The following CASK variants were observed in gnomAD, a reference collection of about 807,000 sequenced individuals.
CASK encodes the protein peripheral plasma membrane protein CASK.
In CASK, 4 loss-of-function variants were observed where a neutral mutation model predicts 82.9. The observed-to-expected ratio is 0.05, with a 90% CI of 0.02 to 0.11. The LOEUF is 0.11. CASK is among the 10% of genes least tolerant of loss of function. The pLI, the probability that CASK is intolerant of heterozygous loss-of-function variation, is 1.00. For synonymous variants in CASK, 259 were observed against 253.5 expected, an observed-to-expected ratio of 1.02 and a Z score of -0.20; for missense variants, 358 against 720.9, an observed-to-expected ratio of 0.50 and a Z score of 5.76.
intron 11 of CASK, 57 bp downstream of exon 11, chrX:41,622,560 A>T: frequency 9.5e-7 from 1 of 1,057,495 alleles, no homozygotes; most frequent in Non-Finnish European, 1.3e-6. Context: ...GAACCATGCA[A>T]AGCCAAACAC....
At chrX:41,917,219 T>C (rs938798966) in intron 1 of CASK, among the ~76,000 whole-genome samples, 1 of 112,271 alleles carries the variant, frequency 8.9e-6, no homozygotes, top group African/African-American at 3.2e-5. Context: ...CGTTGGAATC[T>C]GTGTGATCTT....
intron 2 of CASK, among the ~76,000 whole-genome samples, chrX:41,852,433 A>G (rs1249393181): frequency 8.9e-6 from 1 of 111,898 alleles, no homozygotes; most frequent in Non-Finnish European, 1.9e-5. Flanking sequence ...AAAAGTTAGT[A>G]TCATGATCAA....
At chrX:41,766,129 A>G (rs1213676457) in intron 3 of CASK, among the ~76,000 whole-genome samples, 4 of 112,093 alleles carry the variant, frequency 3.6e-5, no homozygotes, top group Non-Finnish European at 7.5e-5. Flanking sequence ...ACTTAAATCT[A>G]TCTATATCAA....
At chrX:41,625,781 T>G (rs1274883193) in intron 10 of CASK, among the ~76,000 whole-genome samples, 1 of 107,908 alleles carries the variant, frequency 9.3e-6, no homozygotes, top group East Asian at 2.9e-4. Context: ...TGTTACAGAT[T>G]TTTTTTTTCT....
chrX:41,716,242 T>C (rs889620408), intron 5 of CASK, among the ~76,000 whole-genome samples: 12 of 112,163 alleles, frequency 1.1e-4, no homozygotes, highest in African/African-American at 3.9e-4. Flanking sequence ...ATATAGCCTA[T>C]AATGTTCAGC....
chrX:41,739,521 G>A (rs2068559448), intron 4 of CASK, 65 bp from the exon 5 acceptor site: 2 of 709,472 alleles, frequency 2.8e-6, no homozygotes, highest in East Asian at 3.3e-5. Flanking sequence ...AATATACAGT[G>A]CTCCTAGTTT....
intron 1 of CASK, among the ~76,000 whole-genome samples, chrX:41,900,864 G>C (rs1333716131): frequency 9.7e-6 from 1 of 103,494 alleles, no homozygotes; most frequent in Non-Finnish European, 1.9e-5. Context: ...TCCTGCCTCA[G>C]CCTCCCGAGT....
chrX:41,791,374 T>C (rs944430119), intron 2 of CASK, among the ~76,000 whole-genome samples: 4 of 103,326 alleles, frequency 3.9e-5, no homozygotes, highest in African/African-American at 1.4e-4. Context: ...AGCTCTGACA[T>C]ACTAGTGAGA....
chrX:41,860,474 G>C lies in CASK; in HGVS notation c.60-7247C>G, dbSNP rs138615111. On this transcript the variant is annotated intron_variant, in intron 1 of 26. Coordinates refer to ENST00000378163, the MANE Select transcript of CASK (RefSeq NM_001367721.1). Reference sequence around the variant, plus strand: ...CTGTTCCCTATTTCAACACTATTTAGTGTAGTCATTGCCACTAAAGAAGAG... The same window carrying C: ...CTGTTCCCTATTTCAACACTATTTACTGTAGTCATTGCCACTAAAGAAGAG... 2.5e-3 allele frequency among the ~76,000 whole-genome samples: 276 copies of C among 112,170 alleles called. 3 individuals are homozygous for C. Among genetic ancestry groups the C allele is most frequent in the African/African-American group, 8.1e-3 (251 of 30,958 alleles).
intron 21 of CASK, among the ~76,000 whole-genome samples, chrX:41,544,032 C>T (rs2064983286): frequency 8.9e-6 from 1 of 111,870 alleles, no homozygotes; most frequent in Non-Finnish European, 1.9e-5. Flanking sequence ...AGTGTCTGTT[C>T]AAGTCTTTTG....
At chrX:41,651,899 C>A (rs1252145998) in intron 8 of CASK, among the ~76,000 whole-genome samples, 2 of 110,991 alleles carry the variant, frequency 1.8e-5, no homozygotes, top group Non-Finnish European at 3.8e-5. Context: ...TATTTTATGA[C>A]CTAGACAGAC....
chrX:41,852,013 CAAT>C (rs750219955), intron 2 of CASK, among the ~76,000 whole-genome samples: 3 of 110,866 alleles, frequency 2.7e-5, no homozygotes, highest in Admixed American at 9.6e-5. Flanking sequence ...TATTCAAAAG[CAAT>C]AATAGCCAAT....
intron 5 of CASK, among the ~76,000 whole-genome samples, chrX:41,680,270 T>A (rs191048314): frequency 5.8e-4 from 62 of 107,314 alleles, no homozygotes; most frequent in African/African-American, 2.1e-3. Context: ...GATCAAGAGG[T>A]CAAGAGATTG....
intron 8 of CASK, among the ~76,000 whole-genome samples, chrX:41,649,339 G>A (rs1372717428): frequency 3.6e-5 from 4 of 111,477 alleles, no homozygotes; most frequent in Non-Finnish European, 5.6e-5. Flanking sequence ...TCTTTCAATT[G>A]TGATGTTAGG....
At chrX:41,888,685 A>G (rs1261639948) in intron 1 of CASK, among the ~76,000 whole-genome samples, 1 of 95,089 alleles carries the variant, frequency 1.1e-5, no homozygotes, top group African/African-American at 3.6e-5. Context: ...ATGTATGTGA[A>G]TATATGTATA....
At chrX:41,715,642 T>C (rs1325639703) in intron 5 of CASK, among the ~76,000 whole-genome samples, 1 of 103,932 alleles carries the variant, frequency 9.6e-6, no homozygotes, top group Non-Finnish European at 2.0e-5. Flanking sequence ...AAAAAAAAGA[T>C]CCTGGTTCAG....
intron 10 of CASK, among the ~76,000 whole-genome samples, chrX:41,625,848 C>A (rs943710614): frequency 1.9e-5 from 2 of 107,149 alleles, no homozygotes; most frequent in Non-Finnish European, 1.9e-5. Flanking sequence ...GGCATGATCT[C>A]GGATCACTGC....
At chrX:41,532,623 C>T (rs1416247635) in intron 24 of CASK, among the ~76,000 whole-genome samples, 1 of 109,825 alleles carries the variant, frequency 9.1e-6, no homozygotes, top group Non-Finnish European at 1.9e-5. Context: ...TTCTTTGCTT[C>T]CTTCTTTCTT....
At chrX:41,669,941 G>A (rs188398944) in intron 6 of CASK, among the ~76,000 whole-genome samples, 2 of 112,031 alleles carry the variant, frequency 1.8e-5, no homozygotes, top group Admixed American at 1.9e-4. Flanking sequence ...CATGGTAGTT[G>A]TCTACAAACA....
Sources: allele counts gnomAD v4.1 joint callset (sites outside exome capture counted in the v4.1 genomes callset), GRCh38; gene constraint gnomAD v4.1.1; transcripts MANE v1.5; gene names NCBI Gene and HGNC (gene_info 2026-07-23, HGNC 2026-07-21).